PREX2: variants seen among roughly 807,000 people sequenced by gnomAD.
PREX2 encodes phosphatidylinositol 3,4,5-trisphosphate-dependent Rac exchanger 2 protein.
In PREX2, 107 loss-of-function variants were observed where a neutral mutation model predicts 203.2. The observed-to-expected ratio is 0.53, with a 90% CI of 0.45 to 0.62. PREX2 has a LOEUF of 0.62. Ranked by LOEUF, PREX2 falls within the 20% of genes least tolerant of loss-of-function variation. The pLI, the probability that PREX2 is intolerant of heterozygous loss-of-function variation, is 0.00. For missense variants in PREX2, 1,777 were observed against 1,955.9 expected, an observed-to-expected ratio of 0.91 and a Z score of 1.72; for synonymous variants, 672 against 663.6, an observed-to-expected ratio of 1.01 and a Z score of -0.19.
At position 68,060,726 on chromosome 8, in the gene PREX2, A is replaced by T; in HGVS notation, c.1286A>T (p.Glu429Val). 3.7e-6 allele frequency: 6 copies of T among 1,613,254 alleles called. No individual in the cohort carries two copies. The highest frequency in any genetic ancestry group is 5.1e-6 in the Non-Finnish European group (6 of 1,179,716). Reference sequence around the variant, plus strand: ...GAAATTGGAGAGATTCACAGGCCTGAGGAAGGCGTGCACTTGGGACAAGCA... The same window carrying T: ...GAAATTGGAGAGATTCACAGGCCTGTGGAAGGCGTGCACTTGGGACAAGCA... The part of the protein sequence containing the change: ...LLEIGEIHRP[E>V]EGVHLGQALL... Residue 429 changes from glutamate to valine, a missense_variant, in exon 11 of 40, where the codon GAG (glutamate) becomes GTG (valine). Glu to Val is a moderately radical substitution (Grantham distance 121). Coordinates refer to ENST00000288368, the MANE Select transcript of PREX2 (RefSeq NM_024870.4).
At chr8:68,021,724 C>T (rs182159854) in intron 3 of PREX2, among the ~76,000 whole-genome samples, 7 of 152,276 alleles carry the variant, frequency 4.6e-5, no homozygotes, top group African/African-American at 1.4e-4. Context: ...GTAATTTCTT[C>T]CTCTTTTTAA....
At chr8:68,164,436 G>A (rs1050853805) in intron 35 of PREX2, among the ~76,000 whole-genome samples, 1 of 151,608 alleles carries the variant, frequency 6.6e-6, no homozygotes, top group Non-Finnish European at 1.5e-5. Flanking sequence ...TTGTGTGTGT[G>A]TGTACTTGAA....
chr8:68,226,670 A>T (rs2129615526), intron 39 of PREX2, among the ~76,000 whole-genome samples: 1 of 152,326 alleles, frequency 6.6e-6, no homozygotes, highest in East Asian at 1.9e-4. Flanking sequence ...GTGTGTCTAT[A>T]GGTGTCAGGC....
At chr8:68,168,643 A>T (rs1042561954) in intron 35 of PREX2, among the ~76,000 whole-genome samples, 3 of 152,062 alleles carry the variant, frequency 2.0e-5, no homozygotes, top group African/African-American at 7.2e-5. Flanking sequence ...TTCTTGGGTA[A>T]GGTGTTGATT....
intron 1 of PREX2, among the ~76,000 whole-genome samples, chr8:67,983,554 A>G (rs887826653): frequency 1.3e-5 from 2 of 152,198 alleles, no homozygotes; most frequent in Non-Finnish European, 2.9e-5. Context: ...GTCACCCACA[A>G]TGGCCACAGG....
intron 37 of PREX2, among the ~76,000 whole-genome samples, chr8:68,203,840 A>G (rs1032237690): frequency 1.3e-5 from 2 of 152,210 alleles, no homozygotes; most frequent in African/African-American, 2.4e-5. Context: ...AGAGAAAACA[A>G]TGATGGTCCA....
At chr8:68,064,819 T>G (rs1171455176) in intron 11 of PREX2, among the ~76,000 whole-genome samples, 5 of 152,218 alleles carry the variant, frequency 3.3e-5, no homozygotes, top group African/African-American at 9.6e-5. Context: ...TTTAACTCCG[T>G]GTTCAGTGAC....
intron 35 of PREX2, among the ~76,000 whole-genome samples, chr8:68,169,547 C>T (rs537207375): frequency 5.9e-5 from 9 of 152,094 alleles, no homozygotes; most frequent in African/African-American, 9.7e-5. Flanking sequence ...TATTAAGAAT[C>T]AGTCACAATG....
chr8:68,078,294 T>C (rs1442976234), intron 15 of PREX2, among the ~76,000 whole-genome samples: 1 of 151,926 alleles, frequency 6.6e-6, no homozygotes, highest in Non-Finnish European at 1.5e-5. Context: ...GCCTCCGGAG[T>C]AGCTGGGACT....
chr8:68,018,886 C>A (rs1807483819), intron 2 of PREX2, among the ~76,000 whole-genome samples: 1 of 152,170 alleles, frequency 6.6e-6, no homozygotes, highest in African/African-American at 2.4e-5. Flanking sequence ...GACTCTATTT[C>A]CCCATGAGTA....
chr8:68,117,000 A>G (rs748289845), intron 26 of PREX2, among the ~76,000 whole-genome samples: 1 of 152,238 alleles, frequency 6.6e-6, no homozygotes, highest in Non-Finnish European at 1.5e-5. Context: ...TAAGCTGTGT[A>G]TACAACTTCA....
intron 25 of PREX2, among the ~76,000 whole-genome samples, 184 bp from the exon 26 acceptor site, chr8:68,115,569 A>G (rs756763686): frequency 1.4e-5 from 2 of 147,966 alleles, no homozygotes; most frequent in Non-Finnish European, 2.9e-5. Flanking sequence ...TGTTTGTATG[A>G]CTTATTTTGT....
At chr8:68,111,332 T>A (rs1467573048) in intron 25 of PREX2, among the ~76,000 whole-genome samples, 1 of 152,196 alleles carries the variant, frequency 6.6e-6, no homozygotes, top group Admixed American at 6.6e-5. Context: ...GACTAATCTT[T>A]ACTGCATTGA....
chr8:68,104,022 A>C (rs1810340719), intron 23 of PREX2, among the ~76,000 whole-genome samples: 1 of 152,036 alleles, frequency 6.6e-6, no homozygotes, highest in Non-Finnish European at 1.5e-5. Context: ...GCCCCACCCC[A>C]GTGCTCCTGC....
rs149500737 is a variant in PREX2, at chr8:68,107,114, G to A, written c.2716-995G>A. On this transcript the variant is annotated intron_variant, in intron 23 of 39. Coordinates refer to ENST00000288368, the MANE Select transcript of PREX2 (RefSeq NM_024870.4). ...ACCTATATAATAGGAAGGTTACAGC[G>A]TGCTGGAACTTAGCAGTAGTCAGGG... Among the ~76,000 whole-genome samples, 248 of 152,234 alleles carry A rather than the reference G, an allele frequency of 1.6e-3. 7 individuals are homozygous for A. The East Asian group carries it at 0.029, about 18-fold the overall frequency.
intron 35 of PREX2, among the ~76,000 whole-genome samples, chr8:68,173,138 C>A (rs891647456): frequency 6.6e-6 from 1 of 152,114 alleles, no homozygotes; most frequent in Non-Finnish European, 1.5e-5. Context: ...AAGTTAGTAC[C>A]ATAAAAATAG....
chr8:68,096,709 A>G (rs1810087256), intron 21 of PREX2, among the ~76,000 whole-genome samples: 1 of 151,452 alleles, frequency 6.6e-6, no homozygotes, highest in Non-Finnish European at 1.5e-5. Flanking sequence ...CATGTCTTTA[A>G]TAAAAAAAAT....
intron 35 of PREX2, among the ~76,000 whole-genome samples, chr8:68,181,003 C>T (rs902355825): frequency 7.2e-5 from 11 of 152,152 alleles, no homozygotes; most frequent in African/African-American, 2.4e-4. Context: ...TTCAATATTG[C>T]ATGAGATTGT....
chr8:68,231,969 T>C lies in PREX2; in HGVS notation c.*591T>C, dbSNP rs2280641. 0.27 allele frequency: 41,524 copies of C among 152,164 alleles called. 6,171 individuals carry two copies. The highest frequency in any genetic ancestry group is 0.46 in the South Asian group (2,200 of 4,820). The allele number at this position is 152,164 out of a possible 1,614,324, so 9.4% of individuals were successfully genotyped here. A position where few individuals can be genotyped will look rare whatever the true frequency, so the allele number is the denominator to read the frequency against. The stretch of plus-strand genomic sequence containing the variant: ...CTTTCTCCTAAGGGCTTATTTCTTA[T>C]TAGAGGAGAAGAAAGCTGACTAAGG... On this transcript the variant is annotated 3_prime_UTR_variant, in exon 40 of 40. Coordinates refer to ENST00000288368, the MANE Select transcript of PREX2 (RefSeq NM_024870.4).
Sources: allele counts gnomAD v4.1 joint callset (sites outside exome capture counted in the v4.1 genomes callset), GRCh38; gene constraint gnomAD v4.1.1; transcripts MANE v1.5; gene names NCBI Gene and HGNC (gene_info 2026-07-23, HGNC 2026-07-21).